The following ANKRD42 variants were observed in gnomAD, a reference collection of about 807,000 sequenced individuals.
The protein encoded by ANKRD42 is ankyrin repeat domain 42.
ANKRD42 carries 43 observed loss-of-function variants against 51.5 expected under a neutral mutation model. That is an observed-to-expected ratio of 0.83 (90% CI 0.65 to 1.08). The LOEUF (loss-of-function observed/expected upper bound fraction) is 1.08. ANKRD42 is among the 50% of genes least tolerant of loss of function. The probability of loss-of-function intolerance (pLI) is 0.00; values close to 1 mark genes in which losing one functional copy is unlikely to be tolerated. For synonymous variants in ANKRD42, 203 were observed against 213.0 expected (o/e 0.95, Z 0.41); for missense variants, 608 against 629.3 (o/e 0.97, Z 0.36).
At chr11:83,261,910 A>G (rs951276934), downstream of ANKRD42, 1 of 1,601,590 alleles carries the variant, frequency 6.2e-7, no homozygotes, top group African/African-American at 1.3e-5. Context: ...GAGCATTAAT[A>G]CTACTTCCAG....
chr11:83,239,163 G>C (rs907211780), intron 8 of ANKRD42, among the ~76,000 whole-genome samples: 2 of 152,064 alleles, frequency 1.3e-5, no homozygotes, highest in Admixed American at 6.5e-5. Flanking sequence ...ATTTTCTAAT[G>C]AAAAATGATT....
At chr11:83,231,131 C>T (rs74946199) in intron 7 of ANKRD42, among the ~76,000 whole-genome samples, 2,607 of 152,238 alleles carry the variant, frequency 0.017, 73 homozygotes, top group African/African-American at 0.059. Flanking sequence ...TGAGGAACCT[C>T]CAAACTGTTC....
At chr11:83,228,220 CCTCT>C (rs1201296890) in intron 7 of ANKRD42, among the ~76,000 whole-genome samples, 4 of 76,176 alleles carry the variant, frequency 5.3e-5, no homozygotes, top group East Asian at 3.1e-4. Context: ...AGAAATCATC[CCTCT>C]CTCTCTCTTT....
At chr11:83,249,410 G>A (rs1863636684), downstream of ANKRD42, among the ~76,000 whole-genome samples, 1 of 152,090 alleles carries the variant, frequency 6.6e-6, no homozygotes, top group Admixed American at 6.6e-5. Flanking sequence ...TGTTTTGTAA[G>A]GACGGGATCT....
intron 1 of ANKRD42, among the ~76,000 whole-genome samples, chr11:83,197,036 T>C (rs1420008014): frequency 6.6e-6 from 1 of 152,164 alleles, no homozygotes; most frequent in East Asian, 1.9e-4. Context: ...TAAAGAAGAA[T>C]GAAGGTCCGG....
chr11:83,214,882 T>A (rs150006009), intron 5 of ANKRD42: 1 of 152,408 alleles, frequency 6.6e-6, no homozygotes, highest in Non-Finnish European at 1.5e-5. Flanking sequence ...GCTCTCTCCG[T>A]GCTACCCTTC....
intron 5 of ANKRD42, among the ~76,000 whole-genome samples, chr11:83,223,324 G>C (rs765731714): frequency 6.6e-6 from 1 of 152,176 alleles, no homozygotes; most frequent in African/African-American, 2.4e-5. Context: ...AGTGGCATGC[G>C]TAAGAAATAG....
intron 5 of ANKRD42, among the ~76,000 whole-genome samples, chr11:83,219,261 C>T (rs530820238): frequency 8.7e-4 from 132 of 152,330 alleles, no homozygotes; most frequent in African/African-American, 2.8e-3. Flanking sequence ...GGGATGGAAA[C>T]GTCCCTTGCC....
At chr11:83,239,676 G>A (rs1025331974) in intron 8 of ANKRD42, among the ~76,000 whole-genome samples, 1 of 151,984 alleles carries the variant, frequency 6.6e-6, no homozygotes, top group Non-Finnish European at 1.5e-5. Context: ...GCCTTTGTCA[G>A]ATCAGTTCTT....
rs1291979862 is a variant in ANKRD42, at chr11:83,248,849, T to C, written c.*645T>C. 1.9e-5 allele frequency: 19 copies of C among 982,426 alleles called. No individual in the cohort carries two copies. The highest frequency in any genetic ancestry group is 1.0e-3 in the Middle Eastern group (2 of 1,932). 60.9% of individuals were successfully genotyped at this position (982,426 alleles called of 1,614,324 possible). ...ATACCATATTAGACAAAATTCTATTTATCTGCAAACATGTATGTGTATTTC... is the reference window on the plus strand; with the variant it reads ...ATACCATATTAGACAAAATTCTATTCATCTGCAAACATGTATGTGTATTTC... On this transcript the variant is annotated 3_prime_UTR_variant, in exon 11 of 11. Coordinates refer to ENST00000533342, the MANE Select transcript of ANKRD42 (RefSeq NM_001300975.2).
chr11:83,237,241 T>C (rs1267001586), intron 8 of ANKRD42, among the ~76,000 whole-genome samples: 1 of 152,154 alleles, frequency 6.6e-6, no homozygotes, highest in Non-Finnish European at 1.5e-5. Flanking sequence ...CTGTATTACA[T>C]GGTATGTGTA....
chr11:83,258,371 TTTAAG>T (rs758519507), downstream of ANKRD42, among the ~76,000 whole-genome samples: 1 of 142,922 alleles, frequency 7.0e-6, no homozygotes, highest in Non-Finnish European at 1.5e-5. Flanking sequence ...ATTAAAGAGA[TTTAAG>T]TTATTTTGTT....
chr11:83,207,773 C>G (rs7112393), intron 3 of ANKRD42, among the ~76,000 whole-genome samples: 1 of 152,200 alleles, frequency 6.6e-6, no homozygotes, highest in African/African-American at 2.4e-5. Flanking sequence ...TCCTATTAAT[C>G]TCTATGCTAT....
intron 2 of ANKRD42, among the ~76,000 whole-genome samples, chr11:83,200,454 CTG>C (rs138417446): frequency 0.02 from 3,029 of 152,284 alleles, 94 homozygotes; most frequent in African/African-American, 0.069. Flanking sequence ...AACACTAAAA[CTG>C]TTATATTTTT....
chr11:83,244,426 G>A (rs1157946832), intron 9 of ANKRD42, among the ~76,000 whole-genome samples: 1 of 152,156 alleles, frequency 6.6e-6, no homozygotes, highest in Non-Finnish European at 1.5e-5. Context: ...TAAATCATTG[G>A]TGTTAGGAAC....
At chr11:83,196,577 C>A (rs1214651076) in intron 1 of ANKRD42, among the ~76,000 whole-genome samples, 1 of 152,166 alleles carries the variant, frequency 6.6e-6, no homozygotes, top group Non-Finnish European at 1.5e-5. Flanking sequence ...TCCCTCCTAC[C>A]CTGGCTGAGT....
At chr11:83,198,079 C>G (rs1271401528) in intron 1 of ANKRD42, among the ~76,000 whole-genome samples, 1 of 152,044 alleles carries the variant, frequency 6.6e-6, no homozygotes, top group Non-Finnish European at 1.5e-5. Flanking sequence ...GTTTCTCATT[C>G]TTTGGCTAGT....
At chr11:83,255,981 A>G (rs565276) in exon 12 of ANKRD42, 459,098 of 1,382,800 alleles carry the variant, frequency 0.33, 78,176 homozygotes, top group Non-Finnish European at 0.36. Flanking sequence ...TCTTTCATTA[A>G]AAAAATTGAT....
downstream of ANKRD42, among the ~76,000 whole-genome samples, chr11:83,262,527 T>TA (rs944404785): frequency 1.2e-3 from 179 of 151,812 alleles, no homozygotes; most frequent in Non-Finnish European, 2.8e-4. Context: ...TCATTTTGGA[T>TA]AAAAAAAAAT....
Sources: allele counts gnomAD v4.1 joint callset (sites outside exome capture counted in the v4.1 genomes callset), GRCh38; gene constraint gnomAD v4.1.1; transcripts MANE v1.5; gene names NCBI Gene and HGNC (gene_info 2026-07-23, HGNC 2026-07-21).